ADAMTS16: variants seen among roughly 807,000 people sequenced by gnomAD.
The protein encoded by ADAMTS16 is ADAM metallopeptidase with thrombospondin type 1 motif 16.
In ADAMTS16, 94 loss-of-function variants were observed where a neutral mutation model predicts 145.8. That is an observed-to-expected ratio of 0.64 (90% confidence interval 0.55 to 0.77). The LOEUF is 0.77. Among genes scored for constraint, ADAMTS16 ranks in the 30% least tolerant of loss-of-function variants. The probability of loss-of-function intolerance (pLI) is 0.00; values close to 1 mark genes in which losing one functional copy is unlikely to be tolerated. For synonymous variants in ADAMTS16, 659 were observed against 604.3 expected, an observed-to-expected ratio of 1.09 and a Z score of -1.33; for missense variants, 1,585 against 1,591.5, an observed-to-expected ratio of 1.00 and a Z score of 0.07.
chr5:5,267,802 A>G (rs1157940715), intron 18 of ADAMTS16, among the ~76,000 whole-genome samples: 3 of 152,224 alleles, frequency 2.0e-5, no homozygotes, highest in Non-Finnish European at 4.4e-5. Flanking sequence ...CCATGGGCAC[A>G]GGCCCGAGAG....
intron 17 of ADAMTS16, among the ~76,000 whole-genome samples, chr5:5,254,800 A>G (rs1737731779): frequency 1.3e-5 from 2 of 151,970 alleles, no homozygotes; most frequent in Non-Finnish European, 2.9e-5. Context: ...CTCTTAATTT[A>G]TTTAGTATTT....
At chr5:5,295,319 G>A (rs1486382834) in intron 18 of ADAMTS16, among the ~76,000 whole-genome samples, 1 of 152,194 alleles carries the variant, frequency 6.6e-6, no homozygotes, top group African/African-American at 2.4e-5. Context: ...TTAATGACTG[G>A]TCTCCACTGA....
intron 20 of ADAMTS16, among the ~76,000 whole-genome samples, chr5:5,304,757 C>G (rs956621275): frequency 5.3e-5 from 8 of 152,066 alleles, no homozygotes; most frequent in African/African-American, 1.9e-4. Context: ...GCTAACAATG[C>G]ACTTCAGGTC....
rs761243541 is a variant in ADAMTS16, at chr5:5,319,828, T to C, written c.*690T>C. 1 of 454,464 alleles carries C rather than the reference T, an allele frequency of 2.2e-6. No individual in the cohort carries two copies. Among genetic ancestry groups the C allele is most frequent in the South Asian group, 1.6e-5 (1 of 63,974 alleles). The allele number at this position is 454,464 out of a possible 1,614,324, so 28.2% of individuals were successfully genotyped here. ...TCCTGCTAAGGTGCTTCTATCTCTT[T>C]CAGATTCATGCATTGAAGGAGAGAT... On this transcript the variant is annotated 3_prime_UTR_variant, in exon 23 of 23. Coordinates refer to ENST00000274181, the MANE Select transcript of ADAMTS16 (RefSeq NM_139056.4).
chr5:5,318,958 A>G, intron 22 of ADAMTS16, 65 bp from the exon 23 acceptor site: 1 of 1,217,290 alleles, frequency 8.2e-7, no homozygotes, highest in South Asian at 1.3e-5. Context: ...AGACAGAGCT[A>G]TTAGCTGGCA....
intron 18 of ADAMTS16, among the ~76,000 whole-genome samples, chr5:5,271,762 A>T (rs1467857002): frequency 1.3e-5 from 2 of 152,192 alleles, no homozygotes; most frequent in African/African-American, 4.8e-5. Context: ...AGGGATGCCA[A>T]GTAAGAGTCT....
At chr5:5,145,208 A>C (rs1734261740) in intron 2 of ADAMTS16, among the ~76,000 whole-genome samples, 1 of 152,248 alleles carries the variant, frequency 6.6e-6, no homozygotes, top group African/African-American at 2.4e-5. Flanking sequence ...ATACTGTATT[A>C]ATAAAGACAC....
chr5:5,316,545 T>C (rs1561008494), intron 21 of ADAMTS16, among the ~76,000 whole-genome samples: 1 of 152,208 alleles, frequency 6.6e-6, no homozygotes, highest in Non-Finnish European at 1.5e-5. Flanking sequence ...TTTTCAGTGG[T>C]TGATCTCAGA....
intron 18 of ADAMTS16, among the ~76,000 whole-genome samples, chr5:5,296,861 T>TA (rs1187393940): frequency 1.3e-5 from 2 of 152,208 alleles, no homozygotes; most frequent in Admixed American, 1.3e-4. Flanking sequence ...ACCCGTGTGT[T>TA]ACCACCACAG....
chr5:5,201,523 C>G (rs1395070410), intron 9 of ADAMTS16, among the ~76,000 whole-genome samples: 1 of 151,142 alleles, frequency 6.6e-6, no homozygotes, highest in Admixed American at 6.6e-5. Context: ...CTAATACTTC[C>G]AACAAAAGCA....
chr5:5,194,706 T>A (rs1024236875), intron 8 of ADAMTS16, among the ~76,000 whole-genome samples: 4 of 152,218 alleles, frequency 2.6e-5, no homozygotes, highest in Admixed American at 6.5e-5. Context: ...TTAGTGAGTT[T>A]TATTTTTGGA....
At chr5:5,261,139 T>C (rs1393201317) in intron 17 of ADAMTS16, among the ~76,000 whole-genome samples, 2 of 152,222 alleles carry the variant, frequency 1.3e-5, no homozygotes, top group Non-Finnish European at 2.9e-5. Context: ...TTTTATCCCC[T>C]ACTGCATCAA....
At chr5:5,201,482 A>G (rs1257809965) in intron 9 of ADAMTS16, among the ~76,000 whole-genome samples, 1 of 151,790 alleles carries the variant, frequency 6.6e-6, no homozygotes, top group Non-Finnish European at 1.5e-5. Flanking sequence ...AAGAAGAATT[A>G]TATTTCTATT....
chr5:5,155,610 G>T (rs1167012100), intron 3 of ADAMTS16, among the ~76,000 whole-genome samples: 1 of 152,174 alleles, frequency 6.6e-6, no homozygotes, highest in East Asian at 1.9e-4. Context: ...TTAGTAGTAG[G>T]AGCTAGCTGG....
At chr5:5,221,082 C>A (rs1286711380) in intron 10 of ADAMTS16, among the ~76,000 whole-genome samples, 1 of 151,874 alleles carries the variant, frequency 6.6e-6, no homozygotes, top group Admixed American at 6.5e-5. Context: ...ATCATATTGC[C>A]ACCCAGACAT....
At chr5:5,191,568 C>A in intron 7 of ADAMTS16, 117 bp from the exon 8 acceptor site, 1 of 820,862 alleles carries the variant, frequency 1.2e-6, no homozygotes, top group East Asian at 2.8e-5. Flanking sequence ...TTTCCCATTT[C>A]ATATTTTCCC....
rs1734420667 is a variant in ADAMTS16, at chr5:5,150,460, C to A, written c.501+4005C>A. ...GGTGCACAAGGCTCAATACAGCAGCCTGAGTGGATGAAGTCTTGTCTGTGC... is the reference window on the plus strand; with the variant it reads ...GGTGCACAAGGCTCAATACAGCAGCATGAGTGGATGAAGTCTTGTCTGTGC... On this transcript the variant is annotated intron_variant, in intron 3 of 22. Transcript: ENST00000274181. 2.6e-5 allele frequency among the ~76,000 whole-genome samples: 4 copies of A among 152,304 alleles called. No homozygotes were observed. In the South Asian group the frequency reaches 8.3e-4, roughly 32 times the overall value.
intron 21 of ADAMTS16, among the ~76,000 whole-genome samples, chr5:5,311,151 T>A (rs1449669999): frequency 1.3e-5 from 2 of 151,944 alleles, no homozygotes; most frequent in Non-Finnish European, 2.9e-5. Context: ...TCGGCCTTCC[T>A]GACTCCCCCT....
intron 9 of ADAMTS16, among the ~76,000 whole-genome samples, chr5:5,203,235 T>G (rs747641105): frequency 2.0e-5 from 3 of 152,234 alleles, no homozygotes; most frequent in Non-Finnish European, 4.4e-5. Flanking sequence ...AATTCACTAT[T>G]AAGATTCATT....
Sources: gnomAD v4.1 joint callset for allele counts (sites outside exome capture counted in the v4.1 genomes callset) on GRCh38, gnomAD v4.1.1 for gene constraint, MANE v1.5 for transcripts, NCBI Gene and HGNC (gene_info 2026-07-23, HGNC 2026-07-21) for gene names.